GFRA1: variants seen among roughly 807,000 people sequenced by gnomAD.
The protein encoded by GFRA1 is GDNF family receptor alpha-1.
In GFRA1, 16 loss-of-function variants were observed where a neutral mutation model predicts 51.6. That is an observed-to-expected ratio of 0.31 (90% confidence interval 0.21 to 0.47). The LOEUF (loss-of-function observed/expected upper bound fraction) is 0.47. Among genes scored for constraint, GFRA1 ranks in the 20% least tolerant of loss-of-function variants. The probability of loss-of-function intolerance (pLI) is 1.00; values close to 1 mark genes in which losing one functional copy is unlikely to be tolerated. For synonymous variants in GFRA1, 270 were observed against 241.3 expected, an observed-to-expected ratio of 1.12 and a Z score of -1.10; for missense variants, 530 against 594.3, an observed-to-expected ratio of 0.89 and a Z score of 1.13.
chr10:116,116,032 G>A (rs985995869), intron 6 of GFRA1, among the ~76,000 whole-genome samples: 2 of 152,120 alleles, frequency 1.3e-5, no homozygotes, highest in Admixed American at 6.5e-5. Context: ...TCTTCTTCAC[G>A]TCTGGTAAAG....
Position 116,272,074 on chromosome 10 carries a change from A to C in GFRA1, c.-45T>G, listed in dbSNP as rs1844000208. 8 of 1,509,034 alleles carry C rather than the reference A, an allele frequency of 5.3e-6. No individual in the cohort carries two copies. The highest frequency in any genetic ancestry group is 2.2e-4 in the Middle Eastern group (1 of 4,574). 93.5% of individuals were successfully genotyped at this position (1,509,034 alleles called of 1,614,324 possible). ...TCCCCGCCCCCCCAAAAAAATCCCG[A>C]GCCGCCGCTGGGTCTTGCCGAGGGA... On this transcript the variant is annotated 5_prime_UTR_variant, in exon 2 of 11. Coordinates refer to ENST00000355422, the MANE Select transcript of GFRA1 (RefSeq NM_005264.8). This position sits in a 1 kb window ranked among gnomAD's most constrained non-coding sequence, Gnocchi z 4.4.
intron 5 of GFRA1, among the ~76,000 whole-genome samples, chr10:116,192,221 G>A (rs938385391): frequency 6.6e-6 from 1 of 152,020 alleles, no homozygotes; most frequent in African/African-American, 2.4e-5. Context: ...TGTCTCTATG[G>A]GCCAGGAGTA....
At chr10:116,203,886 C>T (rs1347900015) in intron 5 of GFRA1, among the ~76,000 whole-genome samples, 2 of 152,208 alleles carry the variant, frequency 1.3e-5, no homozygotes, top group Admixed American at 1.3e-4. Flanking sequence ...AGCACAAATG[C>T]CTTTGCATAG....
intron 4 of GFRA1, among the ~76,000 whole-genome samples, chr10:116,233,780 T>C (rs1043574850): frequency 6.6e-6 from 1 of 152,222 alleles, no homozygotes; most frequent in Non-Finnish European, 1.5e-5. Context: ...CTTTGCCTGA[T>C]TCCTTTTAAC....
intron 6 of GFRA1, among the ~76,000 whole-genome samples, chr10:116,114,151 G>A (rs1467699050): frequency 2.6e-5 from 4 of 152,120 alleles, no homozygotes. Context: ...CACTGACTCA[G>A]ACATAAGCAC....
chr10:116,083,905 C>A (rs1190441015), intron 9 of GFRA1, among the ~76,000 whole-genome samples: 1 of 152,190 alleles, frequency 6.6e-6, no homozygotes, highest in Admixed American at 6.5e-5. Context: ...ATCCCTCCTG[C>A]CACTCTGCAA....
intron 6 of GFRA1, among the ~76,000 whole-genome samples, chr10:116,099,164 G>A (rs1400436274): frequency 6.6e-6 from 1 of 152,198 alleles, no homozygotes; most frequent in Non-Finnish European, 1.5e-5. Flanking sequence ...ACAGCGCTAT[G>A]CTGGGGCCAG....
intron 4 of GFRA1, among the ~76,000 whole-genome samples, chr10:116,268,053 T>C (rs1388946925): frequency 6.6e-6 from 1 of 152,154 alleles, no homozygotes; most frequent in African/African-American, 2.4e-5. Context: ...GAACCCAGCC[T>C]AGGGATCTTG....
Position 116,093,716 on chromosome 10 carries a change from T to C in GFRA1, c.1001A>G (p.Asp334Gly). ...ECLKFLNFFKDNTCLKNAIQA... is the reference protein window; with the variant it reads ...ECLKFLNFFKGNTCLKNAIQA... Reference sequence around the variant, plus strand: ...TACAAACTCACTAAGACATGTATTGTCCTTGAAGAAATTCAAAAATTTCAA... The same window carrying C: ...TACAAACTCACTAAGACATGTATTGCCCTTGAAGAAATTCAAAAATTTCAA... The change falls in exon 8 of 11, where the codon GAC becomes GGC. Residue 334 changes from aspartate (D) to glycine (G), a missense_variant. Physicochemically the swap from Asp to Gly is moderately conservative, Grantham distance 94. Coordinates refer to ENST00000355422, the MANE Select transcript of GFRA1 (RefSeq NM_005264.8). 1.9e-6 allele frequency: 3 copies of C among 1,613,978 alleles called. No individual in the cohort carries two copies. The highest frequency in any genetic ancestry group is 2.5e-6 in the Non-Finnish European group (3 of 1,179,828).
In GFRA1 at chr10:116,064,512, G is replaced by A. The variant is rs1955003626; in HGVS notation, c.1284C>T (p.Ser428=). The change falls in exon 11 of 11, where the codon TCC becomes TCT. Residue 428 remains serine (S), a synonymous_variant. Transcript: ENST00000355422. ...CCATTGATTTTGTGGTTATGTGGCT[G>A]GAAGCACCGAGACCTTCTTTTTCAT... The part of the protein sequence containing the change: ...GNYEKEGLGA[S]SHITTKSMAA... 1 of 1,613,312 alleles carries A rather than the reference G, an allele frequency of 6.2e-7. No homozygotes were observed. Among genetic ancestry groups the A allele is most frequent in the Admixed American group, 1.7e-5 (1 of 59,980 alleles).
intron 4 of GFRA1, among the ~76,000 whole-genome samples, chr10:116,252,013 T>C (rs1001377331): frequency 3.0e-5 from 4 of 131,174 alleles, no homozygotes; most frequent in Admixed American, 8.8e-5. Flanking sequence ...TATAAAACCC[T>C]GAGTAAAAAT....
chr10:116,108,035 A>G (rs919090243), intron 6 of GFRA1, among the ~76,000 whole-genome samples: 2 of 151,886 alleles, frequency 1.3e-5, no homozygotes. Context: ...AAAGGAGCCT[A>G]GTTTCTGAGA....
intron 9 of GFRA1, among the ~76,000 whole-genome samples, chr10:116,081,334 G>C (rs1307913694): frequency 6.6e-6 from 1 of 152,174 alleles, no homozygotes; most frequent in East Asian, 1.9e-4. Context: ...TGTCAGAATA[G>C]GCATCATTAC....
intron 7 of GFRA1, 128 bp downstream of exon 7, chr10:116,096,520 GATTTAAC>G: frequency 1.5e-6 from 1 of 682,450 alleles, no homozygotes. Context: ...TGTCCTCAAG[GATTTAAC>G]ATCCAAACCC....
intron 5 of GFRA1, among the ~76,000 whole-genome samples, chr10:116,206,854 G>A (rs1214190127): frequency 1.3e-5 from 2 of 151,614 alleles, no homozygotes; most frequent in East Asian, 3.9e-4. Context: ...GAATGGTCTC[G>A]ATCTCCTGAC....
In GFRA1 at chr10:116,216,160, A is replaced by T. The variant is rs1406598640; in HGVS notation, c.419-4515T>A. Among the ~76,000 whole-genome samples the T allele has an allele frequency of 2.0e-5, 3 of 152,170 alleles. No individual in the cohort carries two copies. In the South Asian group the frequency reaches 6.2e-4, roughly 32 times the overall value. On this transcript the variant is annotated intron_variant, in intron 4 of 10. Coordinates refer to ENST00000355422, the MANE Select transcript of GFRA1 (RefSeq NM_005264.8). The stretch of plus-strand genomic sequence containing the variant: ...AAAGACTCGATTATTTATTATTATT[A>T]ATAAGTTATGGCAATTAGGCTGGGT...
chr10:116,098,405 C>T (rs3781510), intron 6 of GFRA1, among the ~76,000 whole-genome samples: 7,056 of 152,266 alleles, frequency 0.046, 417 homozygotes, highest in East Asian at 0.19. Flanking sequence ...CTAAAGGATT[C>T]GTTTTTCAGA....
chr10:116,261,076 A>G (rs939936722), intron 4 of GFRA1, among the ~76,000 whole-genome samples: 8 of 152,208 alleles, frequency 5.3e-5, no homozygotes, highest in Non-Finnish European at 1.2e-4. Flanking sequence ...CTACCTCCTT[A>G]ACTAAAGTCA....
chr10:116,147,375 G>A (rs974526832), intron 5 of GFRA1, among the ~76,000 whole-genome samples: 1 of 152,128 alleles, frequency 6.6e-6, no homozygotes, highest in African/African-American at 2.4e-5. Flanking sequence ...AAGGTCAAGC[G>A]CATCTGCACA....
Sources: gnomAD v4.1 joint callset for allele counts (sites outside exome capture counted in the v4.1 genomes callset) on GRCh38, gnomAD v4.1.1 for gene constraint, Gnocchi (gnomAD v3.1) non-coding constraint, MANE v1.5 for transcripts, NCBI Gene and HGNC (gene_info 2026-07-23, HGNC 2026-07-21) for gene names.